The following CRB1 variants were observed in gnomAD, a reference collection of about 807,000 sequenced individuals.
The protein encoded by CRB1 is protein crumbs homolog 1.
CRB1 carries 83 observed loss-of-function variants against 120.0 expected under a neutral mutation model. The observed-to-expected ratio is 0.69, with a 90% CI of 0.58 to 0.83. CRB1 has a LOEUF of 0.83. Among genes scored for constraint, CRB1 ranks in the 40% least tolerant of loss-of-function variants. The probability of loss-of-function intolerance (pLI) is 0.00; values close to 1 mark genes in which losing one functional copy is unlikely to be tolerated. For synonymous variants in CRB1, 625 were observed against 612.5 expected (o/e 1.02, Z -0.30); for missense variants, 1,699 against 1,687.6 (o/e 1.01, Z -0.12).
chr1:197,268,337 A>C lies in CRB1; in HGVS notation c.-76A>C. 9.3e-7 allele frequency: 1 copy of C among 1,075,936 alleles called. No homozygotes were observed. The highest frequency in any genetic ancestry group is 1.4e-6 in the Non-Finnish European group (1 of 689,784). 66.6% of individuals were successfully genotyped at this position (1,075,936 alleles called of 1,614,324 possible). ...GTTCTGAGGCACCCGCTCCTCTCTGAGACAGACAGGGATCAGGAGCCGGAC... is the reference window on the plus strand; with the variant it reads ...GTTCTGAGGCACCCGCTCCTCTCTGCGACAGACAGGGATCAGGAGCCGGAC... On this transcript the variant is annotated 5_prime_UTR_variant, in exon 1 of 12. An upstream open reading frame in the 5' UTR loses its in-frame stop. Coordinates refer to ENST00000367400, the MANE Select transcript of CRB1 (RefSeq NM_201253.3).
At chr1:197,374,052 C>G (rs1474798727) in intron 5 of CRB1, among the ~76,000 whole-genome samples, 3 of 152,148 alleles carry the variant, frequency 2.0e-5, no homozygotes, top group African/African-American at 7.2e-5. Context: ...GCAAAACAAT[C>G]AGGCCAATTT....
At chr1:197,455,618 G>A (rs1239689311) in intron 11 of CRB1, among the ~76,000 whole-genome samples, 2 of 152,020 alleles carry the variant, frequency 1.3e-5, no homozygotes, top group Non-Finnish European at 2.9e-5. Flanking sequence ...AAATTGAATA[G>A]CATGTAGAAG....
Position 197,384,194 on chromosome 1 carries a change from C to T in CRB1, c.1171+27181C>T, listed in dbSNP as rs188571639. 1.4e-3 allele frequency among the ~76,000 whole-genome samples: 215 copies of T among 152,300 alleles called. 4 individuals carry two copies. The highest frequency in any genetic ancestry group is 5.0e-3 in the African/African-American group (208 of 41,572). ...AAATCCTCTAAGGTATCACCATTCT[C>T]ATCATCCCAAATCTCACAAATGAGG... is the stretch of plus-strand genomic sequence containing the variant. On this transcript the variant is annotated intron_variant, in intron 5 of 11. Coordinates refer to ENST00000367400, the MANE Select transcript of CRB1 (RefSeq NM_201253.3).
chr1:197,458,004 G>T (rs1426372582), intron 11 of CRB1, among the ~76,000 whole-genome samples: 1 of 151,974 alleles, frequency 6.6e-6, no homozygotes, highest in African/African-American at 2.4e-5. Context: ...TAACATAACT[G>T]CATTTTAAAT....
intron 5 of CRB1, among the ~76,000 whole-genome samples, chr1:197,369,195 A>T (rs912829493): frequency 1.3e-5 from 2 of 152,156 alleles, no homozygotes; most frequent in African/African-American, 4.8e-5. Flanking sequence ...TTTTTTATTA[A>T]GCATGTTAAT....
the CRB1 span, among the ~76,000 whole-genome samples, chr1:197,204,526 A>G: frequency 1.3e-5 from 2 of 152,104 alleles, no homozygotes; most frequent in Non-Finnish European, 2.9e-5. Flanking sequence ...TTCCCTGATC[A>G]TTAGTGATGT....
In CRB1 at chr1:197,421,631, T is replaced by C. The variant is rs757974429; in HGVS notation, c.1803T>C (p.Ser601=). 1 of 1,614,194 alleles carries C rather than the reference T, an allele frequency of 6.2e-7. No homozygotes were observed. Among genetic ancestry groups the C allele is most frequent in the East Asian group, 2.2e-5 (1 of 44,890 alleles). ...CIAKAPTPLE[S]DQSICAFQNS... is the part of the protein sequence containing the mutation. ...CGAAAGCTCCTACTCCACTTGAAAGTGATCAATCAATATGTGCTTTTCAGA... is the reference window on the plus strand; with the variant it reads ...CGAAAGCTCCTACTCCACTTGAAAGCGATCAATCAATATGTGCTTTTCAGA... The change falls in exon 6 of 12, where the codon AGT becomes AGC. Residue 601 remains serine (S), a synonymous_variant. Transcript: ENST00000367400.
intron 5 of CRB1, 22 bp from the exon 6 acceptor site, chr1:197,420,978 G>T (rs1423104175): frequency 7.4e-7 from 1 of 1,358,886 alleles, no homozygotes; most frequent in Non-Finnish European, 1.1e-6. Flanking sequence ...TATAATTTTA[G>T]CCCTTTTTTA....
Position 197,434,890 on chromosome 1 carries a change from C to A in CRB1, c.3027C>A (p.Phe1009Leu). The A allele has an allele frequency of 6.2e-7, 1 of 1,613,818 alleles. No homozygotes were observed. Among genetic ancestry groups the A allele is most frequent in the Non-Finnish European group, 8.5e-7 (1 of 1,179,824 alleles). ...LNISIQDSRL[F>L]FQLQSGNSFY... ...TTAGCATTCAAGATTCCAGATTATT[C>A]TTTCAATTGCAAAGTGGCAACAGCT... Residue 1009 changes from phenylalanine to leucine, a missense_variant, in exon 9 of 12, where the codon TTC becomes TTA. Phe to Leu is a conservative substitution (Grantham distance 22, BLOSUM62 0). Transcript: ENST00000367400.
chr1:197,445,368 A>C (rs867292512), intron 11 of CRB1, among the ~76,000 whole-genome samples: 83 of 152,244 alleles, frequency 5.5e-4, no homozygotes, highest in African/African-American at 1.9e-3. Flanking sequence ...CCTTTTGCAA[A>C]ATAGGAAAAT....
intron 5 of CRB1, among the ~76,000 whole-genome samples, chr1:197,414,311 T>C (rs977626403): frequency 3.9e-5 from 6 of 152,144 alleles, no homozygotes; most frequent in African/African-American, 1.4e-4. Flanking sequence ...ATTATATAAC[T>C]TCATATTAGA....
intron 5 of CRB1, among the ~76,000 whole-genome samples, chr1:197,370,166 G>C (rs1382165257): frequency 6.6e-6 from 1 of 151,866 alleles, no homozygotes; most frequent in Admixed American, 6.6e-5. Flanking sequence ...TCTTGAAACA[G>C]AACTTCAAAA....
chr1:197,457,470 A>G (rs923191880), intron 11 of CRB1, among the ~76,000 whole-genome samples: 1 of 152,098 alleles, frequency 6.6e-6, no homozygotes, highest in Non-Finnish European at 1.5e-5. Context: ...CCAATTAGCT[A>G]TACTGCAAAA....
intron 5 of CRB1, among the ~76,000 whole-genome samples, chr1:197,407,100 G>T (rs115598661): frequency 0.014 from 2,161 of 152,290 alleles, 38 homozygotes; most frequent in African/African-American, 0.048. Flanking sequence ...GCCTATGTTT[G>T]CTACAATATG....
chr1:197,392,720 G>A (rs1347846606), intron 5 of CRB1, among the ~76,000 whole-genome samples: 5 of 152,104 alleles, frequency 3.3e-5, no homozygotes, highest in Non-Finnish European at 7.4e-5. Flanking sequence ...TACAGAGCTT[G>A]TAATAAAATA....
the CRB1 span, among the ~76,000 whole-genome samples, chr1:197,226,077 CTT>C: frequency 7.0e-3 from 1,069 of 152,066 alleles, 16 homozygotes; most frequent in African/African-American, 0.022. Context: ...ACTTTTGTAT[CTT>C]TTGTGGAGAT....
At chr1:197,342,157 G>A (rs1486709695) in intron 2 of CRB1, among the ~76,000 whole-genome samples, 1 of 152,164 alleles carries the variant, frequency 6.6e-6, no homozygotes, top group Non-Finnish European at 1.5e-5. Context: ...TTCCACTGCA[G>A]CCATACATTG....
At chr1:197,239,137 A>G in the CRB1 span, among the ~76,000 whole-genome samples, 3 of 152,046 alleles carry the variant, frequency 2.0e-5, no homozygotes, top group Non-Finnish European at 4.4e-5. Flanking sequence ...GGCTCAGGTT[A>G]TAGTCTATCC....
In CRB1 at chr1:197,335,762, G is replaced by T. The variant is rs188243240; in HGVS notation, c.652+6759G>T. ...ATCCGCCGCCTAGGCCTCCCAGAGT[G>T]GTGGGATTACAGGCATGAGCCACCT... is the stretch of plus-strand genomic sequence containing the variant. On this transcript the variant is annotated intron_variant, in intron 2 of 11. Transcript: ENST00000367400. Among the ~76,000 whole-genome samples, 52 of 152,314 alleles carry T rather than the reference G, an allele frequency of 3.4e-4. 1 individual carries two copies. The highest frequency in any genetic ancestry group is 3.3e-3 in the Admixed American group (51 of 15,304).
Sources: allele counts gnomAD v4.1 joint callset (sites outside exome capture counted in the v4.1 genomes callset), GRCh38; gene constraint gnomAD v4.1.1; transcripts MANE v1.5; gene names NCBI Gene and HGNC (gene_info 2026-07-23, HGNC 2026-07-21).